DDRGK1: variants seen among roughly 807,000 people sequenced by gnomAD.
DDRGK1 encodes the protein DDRGK domain-containing protein 1.
Under a neutral mutation model 45.8 loss-of-function variants are expected in DDRGK1, and 38 were observed. That is an observed-to-expected ratio of 0.83 (90% CI 0.64 to 1.09). The LOEUF (loss-of-function observed/expected upper bound fraction) is 1.09, where lower values mean the gene tolerates loss of function less well. DDRGK1 is among the 50% of genes least tolerant of loss of function. DDRGK1 has a pLI of 0.00. For synonymous variants in DDRGK1, 171 were observed against 168.7 expected (o/e 1.01, Z -0.11); for missense variants, 403 against 419.9 (o/e 0.96, Z 0.35).
chr20:3,200,432 C>A lies in DDRGK1; in HGVS notation c.318G>T (p.Glu106Asp). The A allele has an allele frequency of 6.3e-7, 1 of 1,578,632 alleles. No homozygotes were observed. The highest frequency in any genetic ancestry group is 8.6e-7 in the Non-Finnish European group (1 of 1,161,516). Residue 106 changes from glutamate to aspartate, a missense_variant, in exon 3 of 9, where the codon GAG becomes GAT. Glu to Asp is a conservative substitution (Grantham distance 45). Coordinates refer to ENST00000354488, the MANE Select transcript of DDRGK1 (RefSeq NM_023935.3). Reference protein sequence around the residue: ...VILAQEEEGVEKPAETHLSGK... With the variant: ...VILAQEEEGVDKPAETHLSGK... The stretch of plus-strand genomic sequence containing the variant: ...CCGACAGGTGAGTTTCCGCTGGCTT[C>A]TCGACACCTTCCTCCTCCTGGGCTG...
chr20:3,200,673 C>T (rs2067033445), intron 2 of DDRGK1, among the ~76,000 whole-genome samples: 2 of 152,140 alleles, frequency 1.3e-5, no homozygotes, highest in African/African-American at 4.8e-5. Context: ...GCCCATAGGG[C>T]AAGGGAAAAG....
chr20:3,192,476 C>T (rs1053090134), intron 6 of DDRGK1, among the ~76,000 whole-genome samples: 3 of 152,186 alleles, frequency 2.0e-5, no homozygotes, highest in South Asian at 2.1e-4. Flanking sequence ...GCCTTGCCTT[C>T]GCTGGCCGCC....
At chr20:3,192,540 T>C (rs1322065579) in intron 6 of DDRGK1, among the ~76,000 whole-genome samples, 2 of 152,202 alleles carry the variant, frequency 1.3e-5, no homozygotes, top group Admixed American at 1.3e-4. Flanking sequence ...ATCCATCCTC[T>C]TTATACCATC....
chr20:3,196,551 G>A lies in DDRGK1; in HGVS notation c.511-1198C>T, dbSNP rs571658882. ...AAAAAATTAGCCGGGCGTGGTGGTG[G>A]GCGCCTGTAGTCCCAGCTACTCGGG... On this transcript the variant is annotated intron_variant, in intron 4 of 8. Transcript: ENST00000354488. Among the ~76,000 whole-genome samples the A allele has an allele frequency of 2.0e-5, 3 of 151,096 alleles. No individual in the cohort carries two copies. The East Asian group carries it at 5.9e-4, about 29-fold the overall frequency.
rs149776454 is a variant in DDRGK1 at position 3,200,346 on chromosome 20, C to A, written c.404G>T (p.Arg135Leu). The change falls in exon 3 of 9, where the codon CGT (arginine) becomes CTT (leucine). Residue 135 changes from arginine (R) to leucine (L), a missense_variant. By Grantham distance (102) the Arg-to-Leu change is moderately radical. Transcript: ENST00000354488. ...CACCCCATCCCTCCGGCTTGCCTCA[C>A]GCTGGGCCTTTCGCGCTTGTTTCTC... Reference protein sequence around the residue: ...LEEKQARKAQREAEEAEREER... With the variant: ...LEEKQARKAQLEAEEAEREER... The A allele has an allele frequency of 6.4e-7, 1 of 1,562,540 alleles. No individual in the cohort carries two copies. Among genetic ancestry groups the A allele is most frequent in the Non-Finnish European group, 8.7e-7 (1 of 1,152,958 alleles).
intron 6 of DDRGK1, 122 bp from the exon 7 acceptor site, chr20:3,191,943 A>T: frequency 1.2e-6 from 1 of 826,130 alleles, no homozygotes; most frequent in Non-Finnish European, 1.9e-6. Flanking sequence ...AACACTGTAC[A>T]CACTCCTGTA....
chr20:3,199,013 G>A (rs2067024435), intron 4 of DDRGK1, among the ~76,000 whole-genome samples: 1 of 148,318 alleles, frequency 6.7e-6, no homozygotes, highest in African/African-American at 2.5e-5. Flanking sequence ...CAGGCATGGT[G>A]GTGCACACCT....
At chr20:3,198,134 A>G (rs1600474736) in intron 4 of DDRGK1, among the ~76,000 whole-genome samples, 2 of 144,394 alleles carry the variant, frequency 1.4e-5, no homozygotes, top group Admixed American at 7.1e-5. Context: ...AAGGCCGGGC[A>G]CAGTGGCTCA....
chr20:3,191,773 G>T lies in DDRGK1; in HGVS notation c.721C>A (p.Arg241Ser). The stretch of plus-strand genomic sequence containing the variant: ...CACGTTCCAGGGCTTACCTGAGTGC[G>T]TAGGCCCACCTGGGAAGCCAGGTCT... ...LEDLASQVGL[R>S]TQDTINRIQD... The change falls in exon 7 of 9, where the codon CGC becomes AGC. Residue 241 changes from arginine (R) to serine (S), a missense_variant. Arg to Ser is a moderately radical substitution (Grantham distance 110, BLOSUM62 -1). Coordinates refer to ENST00000354488, the MANE Select transcript of DDRGK1 (RefSeq NM_023935.3). The T allele has an allele frequency of 6.2e-7, 1 of 1,605,786 alleles. No homozygotes were observed.
In DDRGK1 at chr20:3,200,041, T is replaced by G; in HGVS notation, c.470A>C (p.Lys157Thr). 1 of 1,613,930 alleles carries G rather than the reference T, an allele frequency of 6.2e-7. No homozygotes were observed. Among genetic ancestry groups the G allele is most frequent in the African/African-American group, 1.3e-5 (1 of 75,064 alleles). The change falls in exon 4 of 9, where the codon AAG (lysine) becomes ACG (threonine). Residue 157 changes from lysine (K) to threonine (T), a missense_variant. Lys to Thr is a moderately conservative substitution (Grantham distance 78). Coordinates refer to ENST00000354488, the MANE Select transcript of DDRGK1 (RefSeq NM_023935.3). ...CAGGCGAAGCCGCTCCTCCTCCTTCTTCCACTCAGCTTCGCGCTGGGACTC... is the reference window on the plus strand; with the variant it reads ...CAGGCGAAGCCGCTCCTCCTCCTTCGTCCACTCAGCTTCGCGCTGGGACTC... ...RLESQREAEW[K>T]KEEERLRLEE...
chr20:3,191,951 G>A (rs748815130), intron 6 of DDRGK1, 130 bp from the exon 7 acceptor site: 1 of 762,336 alleles, frequency 1.3e-6, no homozygotes, highest in Non-Finnish European at 2.1e-6. Context: ...ACACACTCCT[G>A]TAGGACAGCC....
At chr20:3,201,067 G>A (rs184688067) in intron 2 of DDRGK1, among the ~76,000 whole-genome samples, 51 of 151,984 alleles carry the variant, frequency 3.4e-4, no homozygotes, top group Non-Finnish European at 6.6e-4. Context: ...CTGAGATCAC[G>A]CCACTGCACT....
At chr20:3,196,453 G>C (rs6051632) in intron 4 of DDRGK1, among the ~76,000 whole-genome samples, 1 of 151,652 alleles carries the variant, frequency 6.6e-6, no homozygotes, top group Non-Finnish European at 1.5e-5. Flanking sequence ...CAAGGCGGGC[G>C]GATCACGAGG....
At chr20:3,194,710 G>A (rs893268058) in intron 6 of DDRGK1, 120 bp downstream of exon 6, 5 of 1,335,316 alleles carry the variant, frequency 3.7e-6, no homozygotes, top group Admixed American at 1.9e-5. Flanking sequence ...GCCCCTCTGG[G>A]CCCCCCTGTC....
Position 3,200,462 on chromosome 20 carries a change from T to C in DDRGK1, c.296-8A>G, listed in dbSNP as rs2122239208. On this transcript the variant is annotated splice_polypyrimidine_tract_variant and splice_region_variant and intron_variant, in intron 2 of 8. Transcript: ENST00000354488. ...CACCTTCCTCCTCCTGGGCTGGGTA[T>C]GGTCAAAGAAAGACAGTTCAGGTTC... 2 of 1,562,614 alleles carry C rather than the reference T, an allele frequency of 1.3e-6. No homozygotes were observed. The highest frequency in any genetic ancestry group is 1.2e-5 in the South Asian group (1 of 84,698).
At chr20:3,192,514 C>T (rs548251444) in intron 6 of DDRGK1, among the ~76,000 whole-genome samples, 8 of 152,354 alleles carry the variant, frequency 5.3e-5, no homozygotes, top group Admixed American at 1.3e-4. Flanking sequence ...CACAACCTGA[C>T]ACACCCACAC....
At chr20:3,202,140 C>T (rs755486167) in intron 2 of DDRGK1, among the ~76,000 whole-genome samples, 1 of 148,772 alleles carries the variant, frequency 6.7e-6, no homozygotes, top group South Asian at 2.1e-4. Flanking sequence ...CCATCACGCC[C>T]GGCTAATTTT....
At position 3,204,549 on chromosome 20, in the gene DDRGK1, G is replaced by A; in HGVS notation, c.79C>T (p.Arg27Trp). 6.4e-7 allele frequency: 1 copy of A among 1,568,544 alleles called. No individual in the cohort carries two copies. The highest frequency in any genetic ancestry group is 8.6e-7 in the Non-Finnish European group (1 of 1,163,564). ...FILFLTRSRG[R>W]AASAGQEPLH... ...CGGCATCTCCTACCTGATGCCGCCC[G>A]GCCCCGGCTGCGAGTCAGGAAGAGG... Residue 27 changes from arginine (R) to tryptophan (W), a missense_variant, in exon 1 of 9, where the codon CGG (arginine) becomes TGG (tryptophan). Transcript: ENST00000354488.
rs932895633 is a variant in DDRGK1 at position 3,190,524 on chromosome 20, C to G, written c.*129G>C. ...CCACACCAAGCCACACCAAGCTCAG[C>G]AGTACTCACAGGCCTTTAATCTATA... On this transcript the variant is annotated 3_prime_UTR_variant, in exon 9 of 9. Transcript: ENST00000354488. 10 of 1,184,768 alleles carry G rather than the reference C, an allele frequency of 8.4e-6. No homozygotes were observed. The highest frequency in any genetic ancestry group is 1.1e-5 in the Non-Finnish European group (9 of 838,546). The allele number at this position is 1,184,768 out of a possible 1,614,324, so 73.4% of individuals were successfully genotyped here. A position where few individuals can be genotyped will look rare whatever the true frequency, so the allele number is the denominator to read the frequency against.
Sources: allele counts gnomAD v4.1 joint callset (sites outside exome capture counted in the v4.1 genomes callset), GRCh38; gene constraint gnomAD v4.1.1; transcripts MANE v1.5; gene names NCBI Gene and HGNC (gene_info 2026-07-23, HGNC 2026-07-21).